The following C6 variants were observed in gnomAD, a reference collection of about 807,000 sequenced individuals.
The protein encoded by C6 is complement component C6.
In C6, 101 loss-of-function variants were observed where a neutral mutation model predicts 112.9. The observed-to-expected ratio is 0.89, with a 90% confidence interval of 0.76 to 1.06. The LOEUF (loss-of-function observed/expected upper bound fraction) is 1.06, where lower values mean the gene tolerates loss of function less well. Among genes scored for constraint, C6 ranks in the 50% least tolerant of loss-of-function variants. C6 has a pLI of 0.00. For synonymous variants in C6, 431 were observed against 384.1 expected, an observed-to-expected ratio of 1.12 and a Z score of -1.43; for missense variants, 1,202 against 1,104.6, an observed-to-expected ratio of 1.09 and a Z score of -1.25.
chr5:41,234,939 A>G (rs553471659), intron 1 of C6, among the ~76,000 whole-genome samples: 8 of 152,148 alleles, frequency 5.3e-5, no homozygotes, highest in Non-Finnish European at 8.8e-5. Flanking sequence ...GTTTGAGATG[A>G]TTTGGAATCT....
intron 1 of C6, among the ~76,000 whole-genome samples, chr5:41,224,577 T>C (rs748299683): frequency 3.3e-5 from 5 of 152,150 alleles, no homozygotes; most frequent in Non-Finnish European, 1.5e-5. Context: ...TGTATTAGTA[T>C]GTTCCTTTTT....
intron 1 of C6, among the ~76,000 whole-genome samples, chr5:41,239,111 C>CTTTTTTTT (rs34322889): frequency 4.1e-5 from 5 of 121,642 alleles, no homozygotes; most frequent in African/African-American, 6.1e-5. Context: ...TCTTTTCTTT[C>CTTTTTTTT]TTTTTTTTTT....
intron 17 of C6, among the ~76,000 whole-genome samples, chr5:41,144,048 T>C (rs1371822064): frequency 2.6e-5 from 4 of 152,200 alleles, no homozygotes; most frequent in African/African-American, 7.2e-5. Flanking sequence ...TTTTCAACAT[T>C]ATCTTTTTTA....
Position 41,142,670 on chromosome 5 carries a change from C to T in C6, c.*155G>A. ...ATAAGACATGCCCAAACAGGAGAGT[C>T]AGGGGAGAATAATGATCTCAAACTA... On this transcript the variant is annotated 3_prime_UTR_variant, in exon 18 of 18. Coordinates refer to ENST00000337836, the MANE Select transcript of C6 (RefSeq NM_000065.5). The T allele has an allele frequency of 1.5e-6, 1 of 680,976 alleles. No individual in the cohort carries two copies. The highest frequency in any genetic ancestry group is 2.7e-6 in the Non-Finnish European group (1 of 376,368). 42.2% of individuals were successfully genotyped at this position (680,976 alleles called of 1,614,324 possible). A position where few individuals can be genotyped will look rare whatever the true frequency, so the allele number is the denominator to read the frequency against.
intron 11 of C6, chr5:41,159,541 CT>C: frequency 2.4e-6 from 2 of 842,816 alleles, no homozygotes; most frequent in Non-Finnish European, 2.9e-6. Context: ...CTTTGGAGGC[CT>C]TTTAAAAATG....
At chr5:41,156,693 A>G (rs1746946256) in intron 13 of C6, among the ~76,000 whole-genome samples, 1 of 152,182 alleles carries the variant, frequency 6.6e-6, no homozygotes, top group African/African-American at 2.4e-5. Flanking sequence ...AATTTTCTGG[A>G]TACAAAACTA....
intron 1 of C6, among the ~76,000 whole-genome samples, chr5:41,239,586 C>A (rs1740567746): frequency 1.3e-5 from 2 of 152,010 alleles, no homozygotes; most frequent in African/African-American, 4.8e-5. Context: ...ATGTTTATAC[C>A]CATTTTCCCC....
At chr5:41,254,303 G>A (rs886430100) in intron 1 of C6, among the ~76,000 whole-genome samples, 47 of 152,208 alleles carry the variant, frequency 3.1e-4, no homozygotes, top group African/African-American at 1.1e-3. Context: ...CTACTTGGGA[G>A]GCTGAGGCAG....
chr5:41,257,920 T>C (rs1324299643), intron 1 of C6, among the ~76,000 whole-genome samples: 2 of 152,148 alleles, frequency 1.3e-5, no homozygotes, highest in African/African-American at 4.8e-5. Flanking sequence ...AAGAAAGAAA[T>C]AAGCTTAACA....
At chr5:41,226,641 C>G (rs1434360472) in intron 1 of C6, among the ~76,000 whole-genome samples, 1 of 152,112 alleles carries the variant, frequency 6.6e-6, no homozygotes, top group Non-Finnish European at 1.5e-5. Context: ...TGCTAACCAC[C>G]ATTCTAGTTG....
intron 1 of C6, among the ~76,000 whole-genome samples, chr5:41,211,457 G>A (rs1433941655): frequency 1.3e-5 from 2 of 151,892 alleles, no homozygotes; most frequent in Non-Finnish European, 2.9e-5. Flanking sequence ...TAAGTAACTC[G>A]CCTTTCCTGG....
intron 1 of C6, among the ~76,000 whole-genome samples, chr5:41,205,649 G>T (rs1751377761): frequency 6.6e-6 from 1 of 152,226 alleles, no homozygotes; most frequent in African/African-American, 2.4e-5. Flanking sequence ...AGATCAAACT[G>T]CAAGGCACAG....
At chr5:41,254,734 C>T (rs745729125) in intron 1 of C6, among the ~76,000 whole-genome samples, 1 of 152,170 alleles carries the variant, frequency 6.6e-6, no homozygotes, top group South Asian at 2.1e-4. Flanking sequence ...AGACTTTAAT[C>T]AAATTGACAA....
chr5:41,225,955 G>A (rs1210233943), intron 1 of C6, among the ~76,000 whole-genome samples: 1 of 152,138 alleles, frequency 6.6e-6, no homozygotes, highest in Admixed American at 6.6e-5. Flanking sequence ...ATTAATTCAA[G>A]ATGGATTAAA....
chr5:41,224,789 T>A (rs186809291), intron 1 of C6, among the ~76,000 whole-genome samples: 4 of 152,318 alleles, frequency 2.6e-5, no homozygotes, highest in African/African-American at 9.6e-5. Context: ...CTGGGTCATA[T>A]GGTAGCTCTA....
intron 14 of C6, among the ~76,000 whole-genome samples, chr5:41,154,721 A>G (rs1746730003): frequency 6.6e-6 from 1 of 152,182 alleles, no homozygotes; most frequent in South Asian, 2.1e-4. Context: ...TTTCTTTTGA[A>G]GTGCATACTT....
At chr5:41,189,539 C>T (rs566737760) in intron 5 of C6, among the ~76,000 whole-genome samples, 19 of 151,724 alleles carry the variant, frequency 1.3e-4, no homozygotes, top group African/African-American at 4.4e-4. Flanking sequence ...TTATGGGGTA[C>T]GTAGTGATGT....
At chr5:41,251,127 G>A (rs1235355913) in intron 1 of C6, among the ~76,000 whole-genome samples, 1 of 151,974 alleles carries the variant, frequency 6.6e-6, no homozygotes, top group Non-Finnish European at 1.5e-5. Context: ...GAAACTCTAG[G>A]TCCATCTTAC....
At chr5:41,143,140 T>A (rs1305586519) in intron 17 of C6, 134 bp from the exon 18 acceptor site, 18 of 743,060 alleles carry the variant, frequency 2.4e-5, no homozygotes, top group Non-Finnish European at 3.8e-5. Flanking sequence ...CTCTAATGAA[T>A]GAGAAAGCCA....
Sources: allele counts gnomAD v4.1 joint callset (sites outside exome capture counted in the v4.1 genomes callset), GRCh38; gene constraint gnomAD v4.1.1; transcripts MANE v1.5; gene names NCBI Gene and HGNC (gene_info 2026-07-23, HGNC 2026-07-21).